Variants in PIEZO2 observed in about 807,000 individuals in gnomAD.
PIEZO2 encodes piezo type mechanosensitive ion channel component 2.
Under a neutral mutation model 337.3 loss-of-function variants are expected in PIEZO2, and 172 were observed. The ratio of observed to expected loss-of-function variants is 0.51; its 90% CI spans 0.45 to 0.58. The LOEUF (loss-of-function observed/expected upper bound fraction) is 0.58. Ranked by LOEUF, PIEZO2 falls within the 20% of genes least tolerant of loss-of-function variation. The pLI is 0.00. For synonymous variants in PIEZO2, 1,251 were observed against 1,228.5 expected, an observed-to-expected ratio of 1.02 and a Z score of -0.38; for missense variants, 3,028 against 3,391.3, an observed-to-expected ratio of 0.89 and a Z score of 2.66.
At chr18:10,886,380 G>GTATATATATATATATATATATATATATA (rs1173330460) in intron 4 of PIEZO2, among the ~76,000 whole-genome samples, 1 of 3,040 alleles carries the variant, frequency 3.3e-4, no homozygotes, top group Non-Finnish European at 4.3e-4. Flanking sequence ...GTGTGTGTGT[G>GTATATATATATATATATATATATATATA]TATATATATA....
rs1046803598 is a variant in PIEZO2, at chr18:10,767,576, T to A, written c.2946+2572A>T. Among the ~76,000 whole-genome samples, 1 of 152,144 alleles carries A rather than the reference T, an allele frequency of 6.6e-6. No individual in the cohort carries two copies. The highest frequency in any genetic ancestry group is 2.4e-5 in the African/African-American group (1 of 41,440). Reference sequence around the variant, plus strand: ...GAGGAGCTAATGACTCGGAGCCCGATGCGTGAACCCTGGAGCTTGGGCACT... The same window carrying A: ...GAGGAGCTAATGACTCGGAGCCCGAAGCGTGAACCCTGGAGCTTGGGCACT... On this transcript the variant is annotated intron_variant, in intron 21 of 55. Coordinates refer to ENST00000674853, the MANE Select transcript of PIEZO2 (RefSeq NM_001378183.1). The surrounding 1 kb of genome is among the most constrained non-coding windows in gnomAD (Gnocchi z 4.2).
rs1473372582 is a variant in PIEZO2 at position 10,726,444 on chromosome 18, C to T, written c.5029+4963G>A. On this transcript the variant is annotated intron_variant, in intron 36 of 55. Coordinates refer to ENST00000674853, the MANE Select transcript of PIEZO2 (RefSeq NM_001378183.1). The surrounding 1 kb of genome is among the most constrained non-coding windows in gnomAD (Gnocchi z 5.9). ...GGAGGGCCGGCTGCGGTACGGGCTACGGCCGGCGAACCCCACGAGGAGGGC... is the reference window on the plus strand; with the variant it reads ...GGAGGGCCGGCTGCGGTACGGGCTATGGCCGGCGAACCCCACGAGGAGGGC... The T allele has an allele frequency of 6.5e-7, 1 of 1,529,700 alleles. No homozygotes were observed. The highest frequency in any genetic ancestry group is 8.7e-7 in the Non-Finnish European group (1 of 1,144,898). The allele number at this position is 1,529,700 out of a possible 1,614,324, so 94.8% of individuals were successfully genotyped here. A position where few individuals can be genotyped will look rare whatever the true frequency, so the allele number is the denominator to read the frequency against.
chr18:11,098,788 TTTTG>T (rs1568371778), intron 1 of PIEZO2, among the ~76,000 whole-genome samples: 2 of 152,054 alleles, frequency 1.3e-5, no homozygotes, highest in Admixed American at 6.6e-5. Flanking sequence ...TATTTATTTA[TTTTG>T]TTTATTTAAA....
intron 45 of PIEZO2, among the ~76,000 whole-genome samples, 195 bp downstream of exon 45, chr18:10,697,553 G>A (rs577680175): frequency 1.3e-5 from 2 of 152,264 alleles, no homozygotes; most frequent in South Asian, 2.1e-4. Flanking sequence ...AAATGCAATG[G>A]ATATAAAATG....
chr18:10,886,487 C>CATATATATATATATATATATATAAAAAA, intron 4 of PIEZO2, among the ~76,000 whole-genome samples: 1 of 45,890 alleles, frequency 2.2e-5, no homozygotes, highest in African/African-American at 1.4e-4. Flanking sequence ...ATATCCAAAC[C>CATATATATATATATATATATATAAAAAA]ATATATATAT....
intron 4 of PIEZO2, among the ~76,000 whole-genome samples, chr18:10,906,339 C>G: frequency 6.6e-6 from 1 of 152,098 alleles, no homozygotes; most frequent in East Asian, 1.9e-4. Context: ...ATCGTCTTTG[C>G]TTTTTAATTA....
Position 11,128,150 on chromosome 18 carries a change from C to A in PIEZO2, c.64+20375G>T, listed in dbSNP as rs569195557. Among the ~76,000 whole-genome samples the A allele has an allele frequency of 6.6e-6, 1 of 151,974 alleles. No homozygotes were observed. The highest frequency in any genetic ancestry group is 2.1e-4 in the South Asian group (1 of 4,812). ...TAACCATATGTGGAGAACCAAGGAA[C>A]GTAATAAAGCTGGTTGGTTGCTCCT... On this transcript the variant is annotated intron_variant, in intron 1 of 55. Transcript: ENST00000674853. The surrounding 1 kb of genome is among the most constrained non-coding windows in gnomAD (Gnocchi z 4.1).
rs2038269237 is a variant in PIEZO2 at position 11,069,659 on chromosome 18, C to CA, written c.65-3438_65-3437insT. 6.6e-6 allele frequency among the ~76,000 whole-genome samples: 1 copy of CA among 152,010 alleles called. No individual in the cohort carries two copies. The highest frequency in any genetic ancestry group is 1.5e-5 in the Non-Finnish European group (1 of 68,008). ...CTTGACACTTCCATTCAATGTGGTACGGGAAGTCCTAGGCAGAGGAATTAG... is the reference window on the plus strand; with the variant it reads ...CTTGACACTTCCATTCAATGTGGTACAGGGAAGTCCTAGGCAGAGGAATTAG... On this transcript the variant is annotated intron_variant, in intron 1 of 55. Transcript: ENST00000674853. The surrounding 1 kb of genome is among the most constrained non-coding windows in gnomAD (Gnocchi z 4.9).
chr18:11,050,252 T>C (rs2145845872), intron 2 of PIEZO2, among the ~76,000 whole-genome samples: 1 of 152,278 alleles, frequency 6.6e-6, no homozygotes, highest in South Asian at 2.1e-4. Flanking sequence ...ATTAAATATT[T>C]TCCTGTGTTT....
intron 2 of PIEZO2, among the ~76,000 whole-genome samples, chr18:11,005,322 T>G (rs1185346013): frequency 1.3e-5 from 2 of 152,256 alleles, no homozygotes; most frequent in African/African-American, 4.8e-5. Flanking sequence ...GTTCCCACCA[T>G]GCTACACTTC....
intron 8 of PIEZO2, among the ~76,000 whole-genome samples, 173 bp downstream of exon 8, chr18:10,806,939 T>C (rs1011952462): frequency 3.3e-5 from 5 of 152,242 alleles, no homozygotes; most frequent in African/African-American, 1.2e-4. Flanking sequence ...TTTGATCTGA[T>C]AGTATTTATA....
chr18:10,696,415 C>A lies in PIEZO2; in HGVS notation c.6952G>T (p.Val2318Phe). ...LADTVDFIIIVFGFWAFGKHS... is the reference protein window; with the variant it reads ...LADTVDFIIIFFGFWAFGKHS... ...ACCCCAAAGGCCCAAAAGCCGAAGA[C>A]AATGATGATGAAGTCCACAGTGTCA... is the stretch of plus-strand genomic sequence containing the variant. Residue 2318 changes from valine to phenylalanine, a missense_variant, in exon 46 of 56, where the codon GTC becomes TTC. Coordinates refer to ENST00000674853, the MANE Select transcript of PIEZO2 (RefSeq NM_001378183.1). 1 of 1,614,218 alleles carries A rather than the reference C, an allele frequency of 6.2e-7. No homozygotes were observed. The highest frequency in any genetic ancestry group is 8.5e-7 in the Non-Finnish European group (1 of 1,180,050).
At chr18:11,093,140 A>C (rs2039148394) in intron 1 of PIEZO2, among the ~76,000 whole-genome samples, 1 of 152,162 alleles carries the variant, frequency 6.6e-6, no homozygotes, top group Non-Finnish European at 1.5e-5. Flanking sequence ...TAGGTAGCTT[A>C]GCTAAAAACA....
At chr18:10,684,825 T>C (rs948356537) in intron 49 of PIEZO2, among the ~76,000 whole-genome samples, 7 of 152,174 alleles carry the variant, frequency 4.6e-5, no homozygotes, top group Non-Finnish European at 8.8e-5. Flanking sequence ...GTTACCCCTT[T>C]CCTAGGCCAT....
At chr18:10,718,398 T>C in intron 36 of PIEZO2, 139 bp from the exon 37 acceptor site, 1 of 705,038 alleles carries the variant, frequency 1.4e-6, no homozygotes, top group Non-Finnish European at 2.4e-6. Flanking sequence ...GGAAAGGTTG[T>C]TAGAATTCAT....
At chr18:10,944,984 C>T (rs1281927009) in intron 3 of PIEZO2, among the ~76,000 whole-genome samples, 1 of 152,028 alleles carries the variant, frequency 6.6e-6, no homozygotes, top group African/African-American at 2.4e-5. Context: ...AGGCAGAACC[C>T]AGGGTACTCC....
At position 11,126,689 on chromosome 18, in the gene PIEZO2, T is replaced by C. The variant is rs145849956; in HGVS notation, c.64+21836A>G. On this transcript the variant is annotated intron_variant, in intron 1 of 55. Transcript: ENST00000674853. This position sits in a 1 kb window ranked among gnomAD's most constrained non-coding sequence, Gnocchi z 4.6. ...ATCCTGATAGGCCAGTAAATGTTTATTGAATGAATCAATGAAAGATCAACA... is the reference window on the plus strand; with the variant it reads ...ATCCTGATAGGCCAGTAAATGTTTACTGAATGAATCAATGAAAGATCAACA... 6.6e-6 allele frequency among the ~76,000 whole-genome samples: 1 copy of C among 152,252 alleles called. No individual in the cohort carries two copies. Among genetic ancestry groups the C allele is most frequent in the African/African-American group, 2.4e-5 (1 of 41,546 alleles).
At chr18:10,734,959 G>A (rs1257392951) in intron 35 of PIEZO2, among the ~76,000 whole-genome samples, 1 of 152,186 alleles carries the variant, frequency 6.6e-6, no homozygotes, top group Non-Finnish European at 1.5e-5. Flanking sequence ...AACACCATGA[G>A]AAGGACAGCA....
chr18:11,040,138 T>C (rs189910273), intron 2 of PIEZO2, among the ~76,000 whole-genome samples: 36 of 151,892 alleles, frequency 2.4e-4, no homozygotes, highest in Admixed American at 2.0e-3. Flanking sequence ...ATATCAGCTA[T>C]GTCAAACCAA....
Sources: allele counts gnomAD v4.1 joint callset (sites outside exome capture counted in the v4.1 genomes callset), GRCh38; gene constraint gnomAD v4.1.1; non-coding constraint Gnocchi (gnomAD v3.1); transcripts MANE v1.5; gene names NCBI Gene and HGNC (gene_info 2026-07-23, HGNC 2026-07-21).